The following NPEPL1 variants were observed in gnomAD, a reference collection of about 807,000 sequenced individuals.
The protein encoded by NPEPL1 is probable aminopeptidase NPEPL1.
In NPEPL1, 45 loss-of-function variants were observed where a neutral mutation model predicts 52.4. The observed-to-expected ratio is 0.86, with a 90% confidence interval of 0.68 to 1.10. NPEPL1 has a LOEUF of 1.10. NPEPL1 is among the 50% of genes least tolerant of loss of function. The probability of loss-of-function intolerance (pLI) is 0.00; values close to 1 mark genes in which losing one functional copy is unlikely to be tolerated. For synonymous variants in NPEPL1, 360 were observed against 314.7 expected (o/e 1.14, Z -1.52); for missense variants, 696 against 710.9 (o/e 0.98, Z 0.24).
At chr20:58,690,936 G>T (rs560062394), upstream of NPEPL1, 4 of 538,986 alleles carry the variant, frequency 7.4e-6, no homozygotes, top group South Asian at 1.1e-4. Context: ...CTCCCCAGTC[G>T]ATCTCCTCAC....
At chr20:58,715,138 C>A (rs2084927289) in intron 11 of NPEPL1, 30 bp from the exon 12 acceptor site, 6 of 1,582,490 alleles carry the variant, frequency 3.8e-6, no homozygotes, top group Non-Finnish European at 4.3e-6. Context: ...GCCCCACGCC[C>A]AGAGTCTGTG....
At chr20:58,693,999 C>T in intron 2 of NPEPL1, 77 bp downstream of exon 2, 1 of 1,372,172 alleles carries the variant, frequency 7.3e-7, no homozygotes, top group Non-Finnish European at 9.8e-7. Context: ...AGCTCACAGC[C>T]CTGCTCAGAC....
At chr20:58,709,872 C>A (rs2084801844) in intron 7 of NPEPL1, among the ~76,000 whole-genome samples, 1 of 152,140 alleles carries the variant, frequency 6.6e-6, no homozygotes, top group Non-Finnish European at 1.5e-5. Flanking sequence ...GTGGTCTGAT[C>A]TGATCTGGAC....
Position 58,694,504 on chromosome 20 carries a change from CCT to C in NPEPL1, c.423_424del (p.Arg142AlafsTer49). ...CCGCTGTTCACCCACCGCTCAGGTG[CCT>C]CTCGGCGCTTGGAGAAGAAGACGGT... On this transcript the variant is annotated frameshift_variant, in exon 3 of 12. Coordinates refer to ENST00000356091, the MANE Select transcript of NPEPL1 (RefSeq NM_024663.4). LOFTEE classifies it high-confidence loss of function. 1 of 1,614,046 alleles carries C rather than the reference CCT, an allele frequency of 6.2e-7. No individual in the cohort carries two copies. Among genetic ancestry groups the C allele is most frequent in the African/African-American group, 1.3e-5 (1 of 75,070 alleles).
intron 6 of NPEPL1, among the ~76,000 whole-genome samples, chr20:58,705,142 T>C (rs558544793): frequency 1.3e-5 from 2 of 152,348 alleles, no homozygotes; most frequent in South Asian, 2.1e-4. Flanking sequence ...ATGTATACCA[T>C]TGGCAATAAA....
intron 6 of NPEPL1, among the ~76,000 whole-genome samples, chr20:58,702,858 A>C (rs1568853730): frequency 6.6e-6 from 1 of 152,220 alleles, no homozygotes; most frequent in Non-Finnish European, 1.5e-5. Flanking sequence ...TTTCACAGTA[A>C]ATTCCAGCAA....
rs1301314082 is a variant in NPEPL1, at chr20:58,715,314, C to G, written c.1560C>G (p.Arg520=). 1 of 1,607,802 alleles carries G rather than the reference C, an allele frequency of 6.2e-7. No individual in the cohort carries two copies. Among genetic ancestry groups the G allele is most frequent in the Admixed American group, 1.7e-5 (1 of 59,238 alleles). Residue 520 remains arginine, a synonymous_variant, in exon 12 of 12, where the codon CGC becomes CGG. Coordinates refer to ENST00000356091, the MANE Select transcript of NPEPL1 (RefSeq NM_024663.4). ...EGDLGRDSKR[R]RLV ...ACCTGGGGAGGGACTCCAAGAGACG[C>G]AGGCTTGTGTGAGCCTCCTGCCTCG... is the stretch of plus-strand genomic sequence containing the variant.
upstream of NPEPL1, chr20:58,691,767 G>A: frequency 6.8e-7 from 1 of 1,466,026 alleles, no homozygotes; most frequent in South Asian, 1.2e-5. Flanking sequence ...AGTGGCTTAT[G>A]GAACTACATG....
At chr20:58,690,469 A>G (rs2084327099), upstream of NPEPL1, among the ~76,000 whole-genome samples, 1 of 152,246 alleles carries the variant, frequency 6.6e-6, no homozygotes, top group Non-Finnish European at 1.5e-5. Flanking sequence ...TAAAGTCTGT[A>G]AAGTCAGCAG....
At chr20:58,704,224 G>A in intron 6 of NPEPL1, 1 of 985,356 alleles carries the variant, frequency 1.0e-6, no homozygotes, top group Non-Finnish European at 1.2e-6. Context: ...AGCAAATGGT[G>A]CAGAAATGGT....
chr20:58,707,142 A>C lies in NPEPL1; in HGVS notation c.842A>C (p.Lys281Thr). 1 of 1,552,600 alleles carries C rather than the reference A, an allele frequency of 6.4e-7. No individual in the cohort carries two copies. The highest frequency in any genetic ancestry group is 2.4e-5 in the East Asian group (1 of 41,214). Reference protein sequence around the residue: ...IKGKTTMPGMKRDCGGAAAVL... With the variant: ...IKGKTTMPGMTRDCGGAAAVL... Reference sequence around the variant, plus strand: ...CCGCAGACTACCATGCCGGGGATGAAGCGAGACTGCGGGGGTGCTGCGGCC... The same window carrying C: ...CCGCAGACTACCATGCCGGGGATGACGCGAGACTGCGGGGGTGCTGCGGCC... The change falls in exon 7 of 12, where the codon AAG (lysine) becomes ACG (threonine). Residue 281 changes from lysine to threonine, a missense_variant. By Grantham distance (78) the Lys-to-Thr change is moderately conservative. Coordinates refer to ENST00000356091, the MANE Select transcript of NPEPL1 (RefSeq NM_024663.4).
rs2084545615 is a variant in NPEPL1 at position 58,698,767 on chromosome 20, C to T, written c.591C>T (p.Phe197=). Residue 197 remains phenylalanine (F), a synonymous_variant, in exon 4 of 12, where the codon TTC becomes TTT. Transcript: ENST00000356091. The part of the protein sequence containing the change: ...TPCNEMNTDT[F]LEEINKVGKE... ...GCAATGAGATGAACACCGACACCTT[C>T]CTCGAGGTTTGTGGCGTCATCAGGC... The T allele has an allele frequency of 1.3e-5, 21 of 1,612,386 alleles. No homozygotes were observed. In the East Asian group the frequency reaches 4.7e-4, roughly 36 times the overall value.
intron 5 of NPEPL1, among the ~76,000 whole-genome samples, 167 bp from the exon 6 acceptor site, chr20:58,700,849 C>T (rs1416029139): frequency 6.6e-6 from 1 of 152,182 alleles, no homozygotes; most frequent in Non-Finnish European, 1.5e-5. Context: ...AATTTGCATT[C>T]CCCAATCCCA....
Position 58,696,273 on chromosome 20 carries a change from C to T in NPEPL1, c.507+1681C>T, listed in dbSNP as rs555937781. Among the ~76,000 whole-genome samples, 13 of 152,358 alleles carry T rather than the reference C, an allele frequency of 8.5e-5. No individual in the cohort carries two copies. In the South Asian group the frequency reaches 2.5e-3, roughly 29 times the overall value. On this transcript the variant is annotated intron_variant, in intron 3 of 11. Coordinates refer to ENST00000356091, the MANE Select transcript of NPEPL1 (RefSeq NM_024663.4). ...TCTGCAGGGGTCCTTCCCTCTCCAG[C>T]CCAGCATGGTCTCCATCCAGCCTCT...
At chr20:58,695,532 G>C (rs116071638) in intron 3 of NPEPL1, among the ~76,000 whole-genome samples, 2 of 152,104 alleles carry the variant, frequency 1.3e-5, no homozygotes, top group South Asian at 2.1e-4. Context: ...TCCAGTCCCC[G>C]AGCCCACAGC....
In NPEPL1 at chr20:58,692,846, C is replaced by A. The variant is rs915342144; in HGVS notation, c.-55C>A. 44 of 986,020 alleles carry A rather than the reference C, an allele frequency of 4.5e-5. No homozygotes were observed. Among genetic ancestry groups the A allele is most frequent in the Non-Finnish European group, 5.1e-5 (42 of 831,274 alleles). The allele number at this position is 986,020 out of a possible 1,614,324, so 61.1% of individuals were successfully genotyped here. On this transcript the variant is annotated 5_prime_UTR_variant, in exon 1 of 12. Transcript: ENST00000356091. This position sits in a 1 kb window ranked among gnomAD's most constrained non-coding sequence, Gnocchi z 5.7. ...CCGGGCCGGAGCGGGGCGAAGGGGG[C>A]CGAGCGGCGGGCCGGGCCGGGCCGG...
intron 3 of NPEPL1, among the ~76,000 whole-genome samples, chr20:58,698,093 C>T (rs893604633): frequency 6.6e-5 from 10 of 152,296 alleles, no homozygotes; most frequent in South Asian, 6.2e-4. Context: ...GAGGGACTTG[C>T]GTGGGACTCA....
chr20:58,709,688 G>A (rs979910873), intron 7 of NPEPL1, among the ~76,000 whole-genome samples: 2 of 152,248 alleles, frequency 1.3e-5, no homozygotes, highest in African/African-American at 4.8e-5. Flanking sequence ...CAGAGGCAGT[G>A]TACAGGGAAG....
intron 5 of NPEPL1, among the ~76,000 whole-genome samples, chr20:58,700,032 G>A (rs1370545138): frequency 1.3e-5 from 2 of 152,198 alleles, no homozygotes; most frequent in Non-Finnish European, 2.9e-5. Context: ...ATGTGCTTCC[G>A]GGCAGGCTCA....
Sources: allele counts gnomAD v4.1 joint callset (sites outside exome capture counted in the v4.1 genomes callset), GRCh38; gene constraint gnomAD v4.1.1; non-coding constraint Gnocchi (gnomAD v3.1); transcripts MANE v1.5; gene names NCBI Gene and HGNC (gene_info 2026-07-23, HGNC 2026-07-21).